FRMD4B: variants seen among roughly 807,000 people sequenced by gnomAD.
The protein encoded by FRMD4B is FERM domain-containing protein 4B.
A neutral mutation model predicts 141.5 loss-of-function variants in FRMD4B; 74 were observed. The observed-to-expected ratio is 0.52, with a 90% CI of 0.43 to 0.63. The LOEUF (loss-of-function observed/expected upper bound fraction) is 0.63, where lower values mean the gene tolerates loss of function less well. Ranked by LOEUF, FRMD4B falls within the 30% of genes least tolerant of loss-of-function variation. The pLI is 0.00. For missense variants in FRMD4B, 1,366 were observed against 1,253.4 expected, an observed-to-expected ratio of 1.09 and a Z score of -1.36; for synonymous variants, 506 against 467.9, an observed-to-expected ratio of 1.08 and a Z score of -1.05.
In FRMD4B at chr3:69,275,928, T is replaced by G. The variant is rs556357928; in HGVS notation, c.501+11824A>C. Among the ~76,000 whole-genome samples, 24 of 152,290 alleles carry G rather than the reference T, an allele frequency of 1.6e-4. No individual in the cohort carries two copies. The South Asian group carries it at 3.5e-3, about 22-fold the overall frequency. ...TACTATGCTATATTTTTATATTTCT[T>G]CCTATGAGTACATTTCATATACATA... On this transcript the variant is annotated intron_variant, in intron 5 of 22. Coordinates refer to ENST00000398540, the MANE Select transcript of FRMD4B (RefSeq NM_015123.3).
intron 2 of FRMD4B, among the ~76,000 whole-genome samples, chr3:69,423,397 C>T (rs976588203): frequency 1.3e-5 from 2 of 152,176 alleles, no homozygotes; most frequent in Non-Finnish European, 2.9e-5. Flanking sequence ...CTGTTCTCAG[C>T]TGAGATATAA....
intron 1 of FRMD4B, among the ~76,000 whole-genome samples, chr3:69,352,296 T>G (rs1368998955): frequency 6.6e-6 from 1 of 152,164 alleles, no homozygotes; most frequent in Non-Finnish European, 1.5e-5. Context: ...AAGATTATAT[T>G]CCTTTTCACT....
chr3:69,239,768 T>A (rs191455806), intron 7 of FRMD4B, among the ~76,000 whole-genome samples: 18 of 152,048 alleles, frequency 1.2e-4, no homozygotes, highest in Non-Finnish European at 2.2e-4. Context: ...CCGTACAACA[T>A]AAACACGTCC....
At chr3:69,329,881 C>T (rs60729871) in intron 1 of FRMD4B, among the ~76,000 whole-genome samples, 3,463 of 152,020 alleles carry the variant, frequency 0.023, 118 homozygotes, top group African/African-American at 0.079. Context: ...CCCTATGACA[C>T]GAGTTTACCT....
chr3:69,432,435 A>T (rs1313674173), intron 2 of FRMD4B, among the ~76,000 whole-genome samples: 1 of 152,138 alleles, frequency 6.6e-6, no homozygotes. Flanking sequence ...TAGGGGAGTA[A>T]CTTAATTTAT....
chr3:69,476,561 A>G (rs934856107), intron 1 of FRMD4B, among the ~76,000 whole-genome samples: 3 of 151,992 alleles, frequency 2.0e-5, no homozygotes, highest in African/African-American at 4.8e-5. Flanking sequence ...CCATTGATCT[A>G]TATCTCTGTT....
intron 5 of FRMD4B, among the ~76,000 whole-genome samples, chr3:69,255,631 T>C (rs2093487772): frequency 6.6e-6 from 1 of 152,194 alleles, no homozygotes; most frequent in Admixed American, 6.5e-5. Flanking sequence ...TACCCTTCTC[T>C]TTTTTTGAGC....
chr3:69,197,190 T>G (rs1291180345), intron 12 of FRMD4B, among the ~76,000 whole-genome samples, 152 bp from the exon 13 acceptor site: 1 of 152,206 alleles, frequency 6.6e-6, no homozygotes, highest in African/African-American at 2.4e-5. Context: ...GTTTCTGATT[T>G]TCTCCTTTTA....
Position 69,306,619 on chromosome 3 carries a change from T to C in FRMD4B, c.324-4184A>G, listed in dbSNP as rs538809566. 19 of 152,318 alleles carry C rather than the reference T, an allele frequency of 1.2e-4. No homozygotes were observed. The East Asian group carries it at 3.5e-3, about 28-fold the overall frequency. The allele number at this position is 152,318 out of a possible 1,614,324, so 9.4% of individuals were successfully genotyped here. Reference sequence around the variant, plus strand: ...GCCCTAACAAGCGTAATCTCAGAAATGCTATCCCTCTCCCAGTAACGTGAC... The same window carrying C: ...GCCCTAACAAGCGTAATCTCAGAAACGCTATCCCTCTCCCAGTAACGTGAC... On this transcript the variant is annotated intron_variant, in intron 3 of 22. Coordinates refer to ENST00000398540, the MANE Select transcript of FRMD4B (RefSeq NM_015123.3).
intron 2 of FRMD4B, among the ~76,000 whole-genome samples, chr3:69,408,262 G>A (rs1205197754): frequency 6.6e-6 from 1 of 152,174 alleles, no homozygotes; most frequent in Non-Finnish European, 1.5e-5. Context: ...CTGAAGTGAT[G>A]AAGAATCCTG....
Position 69,517,205 on chromosome 3 carries a change from T to C in FRMD4B, c.-129+25001A>G, listed in dbSNP as rs549505151. ...AAAAATCCATTGACACCAAAGTTTA[T>C]ACACTAACTGACATTGTTCCTGAAG... On this transcript the variant is annotated intron_variant, in intron 1 of 5. Coordinates refer to the FRMD4B transcript ENST00000459638. 8.5e-5 allele frequency among the ~76,000 whole-genome samples: 13 copies of C among 152,316 alleles called. No homozygotes were observed. In the South Asian group the frequency reaches 2.3e-3, roughly 27 times the overall value.
intron 1 of FRMD4B, among the ~76,000 whole-genome samples, chr3:69,370,681 G>T (rs962844558): frequency 3.9e-5 from 6 of 152,112 alleles, no homozygotes; most frequent in African/African-American, 7.2e-5. Flanking sequence ...GAATGCAAAC[G>T]TTGCCTTCGG....
intron 5 of FRMD4B, among the ~76,000 whole-genome samples, chr3:69,266,424 C>T (rs985726192): frequency 2.6e-5 from 4 of 152,128 alleles, no homozygotes; most frequent in Admixed American, 6.6e-5. Context: ...CTCCCAGGTT[C>T]ATGTGATTCT....
At chr3:69,338,387 C>T (rs1318665718) in intron 1 of FRMD4B, among the ~76,000 whole-genome samples, 3 of 152,066 alleles carry the variant, frequency 2.0e-5, no homozygotes, top group Admixed American at 1.3e-4. Context: ...AGCACACCAA[C>T]ATGGCACATG....
chr3:69,540,644 T>G (rs1206229956), intron 1 of FRMD4B, among the ~76,000 whole-genome samples: 1 of 67,718 alleles, frequency 1.5e-5, no homozygotes, highest in Non-Finnish European at 2.5e-5. Context: ...AAAATATATA[T>G]ATATATATAT....
intron 5 of FRMD4B, among the ~76,000 whole-genome samples, chr3:69,286,726 A>T (rs1383613659): frequency 1.3e-5 from 2 of 152,208 alleles, no homozygotes; most frequent in African/African-American, 2.4e-5. Context: ...GCTTGAGAAG[A>T]CCACAGTGAA....
chr3:69,459,590 C>G (rs992714585), intron 1 of FRMD4B, among the ~76,000 whole-genome samples: 3 of 152,186 alleles, frequency 2.0e-5, no homozygotes, highest in African/African-American at 7.2e-5. Context: ...TGATTAAAAA[C>G]TCTGGAACCA....
intron 2 of FRMD4B, among the ~76,000 whole-genome samples, chr3:69,392,655 C>A (rs62251412): frequency 0.41 from 62,926 of 151,796 alleles, 15,164 homozygotes; most frequent in Non-Finnish European, 0.53. Flanking sequence ...AACCATGGGG[C>A]CTTCACACAC....
At chr3:69,202,589 A>G (rs2092979804) in intron 11 of FRMD4B, among the ~76,000 whole-genome samples, 1 of 152,146 alleles carries the variant, frequency 6.6e-6, no homozygotes, top group Non-Finnish European at 1.5e-5. Flanking sequence ...ATAATCATTA[A>G]TGAGTATTTA....
Sources: allele counts gnomAD v4.1 joint callset (sites outside exome capture counted in the v4.1 genomes callset), GRCh38; gene constraint gnomAD v4.1.1; transcripts MANE v1.5; gene names NCBI Gene and HGNC (gene_info 2026-07-23, HGNC 2026-07-21).